PRUNE2: variants seen among roughly 807,000 people sequenced by gnomAD.
PRUNE2 encodes prune homolog 2 with BCH domain.
PRUNE2 carries 164 observed loss-of-function variants against 252.0 expected under a neutral mutation model. That is an observed-to-expected ratio of 0.65 (90% CI 0.57 to 0.74). The LOEUF (loss-of-function observed/expected upper bound fraction) is 0.74, where lower values mean the gene tolerates loss of function less well. Ranked by LOEUF, PRUNE2 falls within the 30% of genes least tolerant of loss-of-function variation. The probability of loss-of-function intolerance (pLI) is 0.00; values close to 1 mark genes in which losing one functional copy is unlikely to be tolerated. For missense variants in PRUNE2, 3,495 were observed against 3,711.0 expected (o/e 0.94, Z 1.51); for synonymous variants, 1,292 against 1,350.2 (o/e 0.96, Z 0.94).
At chr9:76,867,268 TA>T (rs1478132794) in intron 1 of PRUNE2, among the ~76,000 whole-genome samples, 1 of 151,512 alleles carries the variant, frequency 6.6e-6, no homozygotes, top group East Asian at 2.0e-4. Context: ...TCTTTTATCT[TA>T]TGCGGAGAGG....
At chr9:76,905,763 T>A (rs975477782) in intron 1 of PRUNE2, among the ~76,000 whole-genome samples, 165 bp downstream of exon 1, 1 of 152,086 alleles carries the variant, frequency 6.6e-6, no homozygotes, top group Non-Finnish European at 1.5e-5. Context: ...ATTGCCAGCT[T>A]TAAGAGCCAG....
At chr9:76,864,133 C>A (rs1019792997) in intron 1 of PRUNE2, among the ~76,000 whole-genome samples, 1 of 152,134 alleles carries the variant, frequency 6.6e-6, no homozygotes, top group African/African-American at 2.4e-5. Flanking sequence ...AAAATCAAGT[C>A]CTTTGCAGCA....
chr9:76,728,083 T>C (rs1467630988), intron 6 of PRUNE2, among the ~76,000 whole-genome samples: 1 of 152,070 alleles, frequency 6.6e-6, no homozygotes, highest in Non-Finnish European at 1.5e-5. Context: ...ATCTTTTATC[T>C]CCATAATGGT....
chr9:76,731,324 ATTTTTTT>A (rs1181079797), intron 6 of PRUNE2, among the ~76,000 whole-genome samples: 43 of 106,798 alleles, frequency 4.0e-4, no homozygotes, highest in African/African-American at 1.4e-3. Flanking sequence ...ATATATATAT[ATTTTTTT>A]TTTTTTTTTG....
intron 6 of PRUNE2, among the ~76,000 whole-genome samples, chr9:76,769,990 A>G (rs190459624): frequency 2.0e-4 from 31 of 152,354 alleles, no homozygotes; most frequent in Admixed American, 1.7e-3. Context: ...AGAGCAGTGA[A>G]GTCCATTTCT....
At chr9:76,724,010 T>C (rs1240502723) in intron 6 of PRUNE2, among the ~76,000 whole-genome samples, 1 of 150,852 alleles carries the variant, frequency 6.6e-6, no homozygotes, top group Non-Finnish European at 1.5e-5. Context: ...GGTTTCACCA[T>C]GGTCTCGATC....
At chr9:76,692,244 T>G (rs777590813) in intron 9 of PRUNE2, 45 of 697,968 alleles carry the variant, frequency 6.4e-5, no homozygotes, top group African/African-American at 3.2e-4. Flanking sequence ...CTCCCAGATC[T>G]CCCCATGCAG....
chr9:76,906,023 CAAGG>C lies in PRUNE2; in HGVS notation c.-64_-61del, dbSNP rs1589872248. The C allele has an allele frequency of 3.8e-6, 6 of 1,577,832 alleles. No homozygotes were observed. In the East Asian group the frequency reaches 1.1e-4, roughly 29 times the overall value. ...AGGGGCGCAGTGGAAAATCTCGGCC[CAAGG>C]AAGACGAGCGGGGTCCCGGGAAAGT... On this transcript the variant is annotated 5_prime_UTR_variant, in exon 1 of 19. Coordinates refer to ENST00000376718, the MANE Select transcript of PRUNE2 (RefSeq NM_015225.3).
chr9:76,832,046 T>C (rs2058700741), intron 4 of PRUNE2, among the ~76,000 whole-genome samples: 1 of 152,040 alleles, frequency 6.6e-6, no homozygotes, highest in African/African-American at 2.4e-5. Flanking sequence ...TAATAAGGGG[T>C]CAATCCTCTG....
intron 6 of PRUNE2, among the ~76,000 whole-genome samples, chr9:76,715,359 T>C (rs563323321): frequency 1.3e-4 from 20 of 152,320 alleles, no homozygotes; most frequent in African/African-American, 4.1e-4. Context: ...CACAAGACCC[T>C]GGGTAGGTAG....
intron 15 of PRUNE2, among the ~76,000 whole-genome samples, chr9:76,631,494 A>T (rs1012047066): frequency 7.9e-5 from 12 of 152,160 alleles, no homozygotes; most frequent in African/African-American, 2.9e-4. Flanking sequence ...ACTCTCTACC[A>T]GGTATACCCC....
intron 6 of PRUNE2, among the ~76,000 whole-genome samples, chr9:76,794,886 G>T (rs2055935944): frequency 6.6e-6 from 1 of 152,204 alleles, no homozygotes; most frequent in East Asian, 1.9e-4. Context: ...AACATACTCA[G>T]AATTTGATAT....
At chr9:76,839,846 C>T (rs1212892322) in intron 4 of PRUNE2, among the ~76,000 whole-genome samples, 1 of 152,122 alleles carries the variant, frequency 6.6e-6, no homozygotes, top group African/African-American at 2.4e-5. Context: ...AGCAGGACTG[C>T]TGATGGATTT....
intron 6 of PRUNE2, among the ~76,000 whole-genome samples, chr9:76,766,033 A>C (rs974195011): frequency 6.6e-5 from 10 of 151,914 alleles, no homozygotes; most frequent in African/African-American, 2.4e-4. Flanking sequence ...ATACAAAAAA[A>C]ATAGCCGCGC....
chr9:76,799,059 G>C (rs886878700), intron 6 of PRUNE2, among the ~76,000 whole-genome samples: 1 of 152,168 alleles, frequency 6.6e-6, no homozygotes. Flanking sequence ...AGTGATTTTT[G>C]GCCAAACGCG....
At chr9:76,825,891 T>C (rs1042476892) in intron 5 of PRUNE2, among the ~76,000 whole-genome samples, 5 of 152,246 alleles carry the variant, frequency 3.3e-5, no homozygotes, top group African/African-American at 7.2e-5. Context: ...TTCTTCAACA[T>C]AGCCATCTTC....
intron 6 of PRUNE2, among the ~76,000 whole-genome samples, chr9:76,731,480 C>T (rs1177449992): frequency 6.6e-6 from 1 of 151,882 alleles, no homozygotes; most frequent in Non-Finnish European, 1.5e-5. Context: ...CACCACTATA[C>T]CCAGCTAATT....
intron 6 of PRUNE2, among the ~76,000 whole-genome samples, chr9:76,742,096 T>C (rs2049678644): frequency 6.6e-6 from 1 of 152,144 alleles, no homozygotes; most frequent in Non-Finnish European, 1.5e-5. Context: ...ATCAGGAGGA[T>C]TACATAATCC....
At chr9:76,871,052 C>G (rs1171608659) in intron 1 of PRUNE2, among the ~76,000 whole-genome samples, 1 of 152,136 alleles carries the variant, frequency 6.6e-6, no homozygotes, top group Non-Finnish European at 1.5e-5. Context: ...CTACGTTATC[C>G]CTATGTGACA....
Sources: allele counts gnomAD v4.1 joint callset (sites outside exome capture counted in the v4.1 genomes callset), GRCh38; gene constraint gnomAD v4.1.1; transcripts MANE v1.5; gene names NCBI Gene and HGNC (gene_info 2026-07-23, HGNC 2026-07-21).